The following KLRG1 variants were observed in gnomAD, a reference collection of about 807,000 sequenced individuals.
The protein encoded by KLRG1 is killer cell lectin like receptor G1.
Under a neutral mutation model 21.8 loss-of-function variants are expected in KLRG1, and 16 were observed. The ratio of observed to expected loss-of-function variants is 0.73; its 90% CI spans 0.50 to 1.11. The LOEUF (loss-of-function observed/expected upper bound fraction) is 1.11. KLRG1 is among the 50% of genes most tolerant of loss of function. KLRG1 has a pLI of 0.00. For missense variants in KLRG1, 173 were observed against 218.3 expected (o/e 0.79, Z 1.31); for synonymous variants, 69 against 75.9 (o/e 0.91, Z 0.47).
chr12:9,070,826 T>A, the KLRG1 span, among the ~76,000 whole-genome samples: 1 of 55,766 alleles, frequency 1.8e-5, no homozygotes, highest in African/African-American at 1.2e-4. Flanking sequence ...AGGATCTGCA[T>A]TTTTTTTTTT....
At chr12:9,200,796 A>G in the KLRG1 span, 1 of 1,304,414 alleles carries the variant, frequency 7.7e-7, no homozygotes, top group Non-Finnish European at 1.1e-6. Flanking sequence ...ACTCTACTGC[A>G]AGTTCAACAT....
the KLRG1 span, chr12:9,149,448 C>G: frequency 9.5e-7 from 1 of 1,050,114 alleles, no homozygotes; most frequent in Non-Finnish European, 1.4e-6. Flanking sequence ...TGAGGACATG[C>G]CATGTGGATT....
At chr12:8,988,682 G>A (rs930965475), upstream of KLRG1, among the ~76,000 whole-genome samples, 8 of 152,052 alleles carry the variant, frequency 5.3e-5, no homozygotes, top group Non-Finnish European at 7.4e-5. Context: ...CCGGTTTCAA[G>A]CCATTCTCCT....
the KLRG1 span, among the ~76,000 whole-genome samples, chr12:9,016,894 G>A: frequency 2.0e-5 from 3 of 152,186 alleles, no homozygotes; most frequent in Admixed American, 6.5e-5. Flanking sequence ...TATTACAGGC[G>A]TGAAACACTG....
chr12:8,964,735 A>G (rs1442633759), intron 1 of KLRG1, among the ~76,000 whole-genome samples: 1 of 150,584 alleles, frequency 6.6e-6, no homozygotes, highest in Admixed American at 6.6e-5. Context: ...TTGGGTGCAT[A>G]TATATTTAGG....
the KLRG1 span, chr12:9,201,360 A>G: frequency 6.4e-7 from 1 of 1,552,742 alleles, no homozygotes; most frequent in Non-Finnish European, 8.8e-7. Context: ...ATATGATAAA[A>G]GGAAAGAAGA....
intron 3 of KLRG1, among the ~76,000 whole-genome samples, chr12:9,000,172 T>A (rs1303060256): frequency 6.6e-6 from 1 of 152,168 alleles, no homozygotes; most frequent in Non-Finnish European, 1.5e-5. Context: ...GAATTGAGTA[T>A]ATTGTTTATG....
the KLRG1 span, among the ~76,000 whole-genome samples, chr12:9,048,058 G>A: frequency 6.6e-6 from 1 of 152,052 alleles, no homozygotes; most frequent in Non-Finnish European, 1.5e-5. Context: ...TCCAACAACA[G>A]TAGAATACAC....
the KLRG1 span, among the ~76,000 whole-genome samples, chr12:9,180,637 AC>A: frequency 6.6e-6 from 1 of 152,264 alleles, no homozygotes. Flanking sequence ...TACACATTAT[AC>A]AAAAATCAAT....
chr12:9,197,118 G>A, the KLRG1 span: 2,949 of 1,596,632 alleles, frequency 1.8e-3, 58 homozygotes, highest in African/African-American at 0.035. Flanking sequence ...CTTCCCATAA[G>A]TGTATCTGGT....
At chr12:9,101,593 G>A in the KLRG1 span, 1 of 1,613,878 alleles carries the variant, frequency 6.2e-7, no homozygotes, top group African/African-American at 1.3e-5. Flanking sequence ...GAGAACACAA[G>A]ATAAGCAGTG....
chr12:9,095,400 T>C, the KLRG1 span: 1 of 776,394 alleles, frequency 1.3e-6, no homozygotes, highest in Non-Finnish European at 2.0e-6. Context: ...GATCTGCTGC[T>C]ATTAGTAGAG....
At chr12:9,049,790 A>T in the KLRG1 span, among the ~76,000 whole-genome samples, 2 of 152,222 alleles carry the variant, frequency 1.3e-5, no homozygotes, top group African/African-American at 4.8e-5. Context: ...AAGCCATCCA[A>T]ACAGGAACAA....
the KLRG1 span, among the ~76,000 whole-genome samples, chr12:9,092,836 A>G: frequency 2.7e-4 from 41 of 152,234 alleles, no homozygotes; most frequent in Non-Finnish European, 5.4e-4. Context: ...AGCATTATTC[A>G]CAGTTGCCAA....
At chr12:9,043,076 CT>C in the KLRG1 span, among the ~76,000 whole-genome samples, 251 of 131,154 alleles carry the variant, frequency 1.9e-3, no homozygotes, top group South Asian at 5.2e-3. Flanking sequence ...TGGCAGATAT[CT>C]TTTTTTTTTT....
the KLRG1 span, chr12:9,101,130 A>C: frequency 6.4e-7 from 1 of 1,555,970 alleles, no homozygotes; most frequent in Non-Finnish European, 8.7e-7. Flanking sequence ...TGCAGAGATG[A>C]TGGAAATACT....
chr12:8,987,393 C>T (rs1946861027), upstream of KLRG1: 1 of 152,242 alleles, frequency 6.6e-6, no homozygotes, highest in African/African-American at 2.4e-5. Context: ...GGAAAAGCCA[C>T]TTGAGGATAT....
At chr12:9,112,162 C>T in the KLRG1 span, 1 of 1,613,710 alleles carries the variant, frequency 6.2e-7, no homozygotes, top group Non-Finnish European at 8.5e-7. Context: ...AACTCACCAA[C>T]TCATTCAGGG....
In KLRG1 at chr12:9,009,899, T is replaced by G; in HGVS notation, c.*362T>G. 6.6e-7 allele frequency: 1 copy of G among 1,511,480 alleles called. No homozygotes were observed. Among genetic ancestry groups the G allele is most frequent in the Non-Finnish European group, 8.8e-7 (1 of 1,135,690 alleles). 93.6% of individuals were successfully genotyped at this position (1,511,480 alleles called of 1,614,324 possible). A position where few individuals can be genotyped will look rare whatever the true frequency, so the allele number is the denominator to read the frequency against. ...TATTCTGAGCTAATCTGATAAAATCTATGCCAATATATACTATTGCTTGTG... is the reference window on the plus strand; with the variant it reads ...TATTCTGAGCTAATCTGATAAAATCGATGCCAATATATACTATTGCTTGTG... On this transcript the variant is annotated 3_prime_UTR_variant, in exon 5 of 5. Coordinates refer to ENST00000356986, the MANE Select transcript of KLRG1 (RefSeq NM_005810.4).
Sources: allele counts gnomAD v4.1 joint callset (sites outside exome capture counted in the v4.1 genomes callset), GRCh38; gene constraint gnomAD v4.1.1; transcripts MANE v1.5; gene names NCBI Gene and HGNC (gene_info 2026-07-23, HGNC 2026-07-21).